Variants in CHIC2 observed in about 807,000 individuals in gnomAD.
The protein encoded by CHIC2 is cysteine rich hydrophobic domain 2.
A neutral mutation model predicts 25.9 loss-of-function variants in CHIC2; 14 were observed. That is an observed-to-expected ratio of 0.54 (90% CI 0.36 to 0.85). CHIC2 has a LOEUF of 0.85. Among genes scored for constraint, CHIC2 ranks in the 40% least tolerant of loss-of-function variants. The probability of loss-of-function intolerance (pLI) is 0.01; values close to 1 mark genes in which losing one functional copy is unlikely to be tolerated. For synonymous variants in CHIC2, 70 were observed against 72.0 expected (o/e 0.97, Z 0.14); for missense variants, 146 against 202.0 (o/e 0.72, Z 1.68).
chr4:54,052,090 T>C (rs1407524589), intron 1 of CHIC2, among the ~76,000 whole-genome samples: 6 of 151,818 alleles, frequency 4.0e-5, no homozygotes, highest in Non-Finnish European at 7.4e-5. Flanking sequence ...ACAGCAAATA[T>C]CTCCTTTGCT....
At chr4:54,072,551 A>G in the CHIC2 span, among the ~76,000 whole-genome samples, 25 of 152,326 alleles carry the variant, frequency 1.6e-4, no homozygotes, top group African/African-American at 6.0e-4. Context: ...TGTATTAAAT[A>G]TCTATAGTAT....
intron 3 of CHIC2, among the ~76,000 whole-genome samples, chr4:54,015,789 A>G (rs1197275785): frequency 2.6e-5 from 4 of 152,224 alleles, no homozygotes; most frequent in Non-Finnish European, 4.4e-5. Context: ...AAAAATTCCA[A>G]TAGTTGTTTA....
At chr4:54,072,552 T>A in the CHIC2 span, among the ~76,000 whole-genome samples, 1 of 152,168 alleles carries the variant, frequency 6.6e-6, no homozygotes, top group African/African-American at 2.4e-5. Flanking sequence ...GTATTAAATA[T>A]CTATAGTATA....
chr4:54,068,560 GAC>G (rs1233400810), upstream of CHIC2, among the ~76,000 whole-genome samples: 3 of 152,196 alleles, frequency 2.0e-5, no homozygotes, highest in African/African-American at 7.2e-5. Flanking sequence ...AAGGGACTAA[GAC>G]ACAGTCTATG....
intron 3 of CHIC2, among the ~76,000 whole-genome samples, chr4:54,038,079 G>A (rs1020915341): frequency 6.6e-6 from 1 of 152,036 alleles, no homozygotes; most frequent in African/African-American, 2.4e-5. Context: ...CAAGAATAAA[G>A]CAAGGAGTTT....
At chr4:54,040,815 T>G (rs887479767) in intron 3 of CHIC2, among the ~76,000 whole-genome samples, 6 of 147,192 alleles carry the variant, frequency 4.1e-5, no homozygotes, top group Non-Finnish European at 3.0e-5. Flanking sequence ...GAGGAGGAGG[T>G]TGCTGTGAGT....
chr4:54,048,146 G>A (rs557188942), intron 3 of CHIC2, among the ~76,000 whole-genome samples: 30 of 152,060 alleles, frequency 2.0e-4, no homozygotes, highest in East Asian at 1.2e-3. Flanking sequence ...CCGCCACCAC[G>A]CCTGGCTAAT....
chr4:54,056,565 T>C (rs1189990447), intron 1 of CHIC2, among the ~76,000 whole-genome samples: 1 of 152,096 alleles, frequency 6.6e-6, no homozygotes, highest in Non-Finnish European at 1.5e-5. Context: ...ATGACTACAA[T>C]GCAAGATCAA....
At chr4:54,025,040 C>A (rs950670709) in intron 3 of CHIC2, among the ~76,000 whole-genome samples, 9 of 151,818 alleles carry the variant, frequency 5.9e-5, no homozygotes, top group Non-Finnish European at 1.3e-4. Context: ...TACCACCCGC[C>A]CCCCCAAAAT....
chr4:54,040,158 T>C (rs1003554619), intron 3 of CHIC2, among the ~76,000 whole-genome samples: 5 of 152,140 alleles, frequency 3.3e-5, no homozygotes, highest in African/African-American at 1.2e-4. Flanking sequence ...TATGCGTTTA[T>C]CAAAAATCAC....
At chr4:54,032,403 T>G (rs949218556) in intron 3 of CHIC2, among the ~76,000 whole-genome samples, 1 of 151,866 alleles carries the variant, frequency 6.6e-6, no homozygotes, top group Non-Finnish European at 1.5e-5. Context: ...GTGCCTGCGA[T>G]TGCAGGTGCG....
At chr4:54,012,519 T>G (rs1393407597) in intron 5 of CHIC2, among the ~76,000 whole-genome samples, 1 of 152,172 alleles carries the variant, frequency 6.6e-6, no homozygotes, top group East Asian at 1.9e-4. Flanking sequence ...TAGAAATGCA[T>G]GAAAAAATTA....
At chr4:54,085,947 TA>T in the CHIC2 span, among the ~76,000 whole-genome samples, 13 of 147,016 alleles carry the variant, frequency 8.8e-5, no homozygotes, top group South Asian at 2.2e-4. Context: ...AAATAACAGT[TA>T]AAAAAAAAAC....
At chr4:54,048,733 C>T (rs1716908785) in intron 3 of CHIC2, 1 of 363,588 alleles carries the variant, frequency 2.8e-6, no homozygotes, top group Non-Finnish European at 4.9e-6. Context: ...CCATACACTA[C>T]TCCTTGCTTC....
intron 3 of CHIC2, among the ~76,000 whole-genome samples, chr4:54,043,078 A>G (rs1716630535): frequency 6.6e-6 from 1 of 152,120 alleles, no homozygotes; most frequent in East Asian, 1.9e-4. Context: ...AGAGAGGCCA[A>G]GGAGGGCAGA....
At chr4:54,080,164 A>ATATATATGTGTATATATATGTG in the CHIC2 span, among the ~76,000 whole-genome samples, 1 of 148,192 alleles carries the variant, frequency 6.7e-6, no homozygotes, top group African/African-American at 2.5e-5. Context: ...ATGTATGTGT[A>ATATATATGTGTATATATATGTG]TATATATATG....
chr4:54,075,191 T>C, the CHIC2 span, among the ~76,000 whole-genome samples: 1 of 152,200 alleles, frequency 6.6e-6, no homozygotes, highest in Non-Finnish European at 1.5e-5. Flanking sequence ...ATAACCTTGC[T>C]CTCAGTGACA....
intron 3 of CHIC2, among the ~76,000 whole-genome samples, chr4:54,033,951 T>C (rs1418736969): frequency 6.6e-6 from 1 of 152,146 alleles, no homozygotes; most frequent in Admixed American, 6.5e-5. Context: ...TTCTCCAACT[T>C]TGTATTCCCT....
Position 54,038,939 on chromosome 4 carries a change from C to A in CHIC2, c.330+10016G>T, listed in dbSNP as rs571685459. ...AAGATAGACATACAAATCAATAGAA[C>A]AGAATAGAGTATGGAAAGAGACCTA... On this transcript the variant is annotated intron_variant, in intron 3 of 5. Transcript: ENST00000263921. Among the ~76,000 whole-genome samples the A allele has an allele frequency of 4.6e-4, 66 of 143,984 alleles. 1 individual carries two copies. The highest frequency in any genetic ancestry group is 1.6e-3 in the African/African-American group (63 of 38,780). 94.5% of individuals were successfully genotyped at this position (143,984 alleles called of 152,430 possible). A position where few individuals can be genotyped will look rare whatever the true frequency, so the allele number is the denominator to read the frequency against.
Sources: allele counts gnomAD v4.1 joint callset (sites outside exome capture counted in the v4.1 genomes callset), GRCh38; gene constraint gnomAD v4.1.1; transcripts MANE v1.5; gene names NCBI Gene and HGNC (gene_info 2026-07-23, HGNC 2026-07-21).